ANKS1B: variants seen among roughly 807,000 people sequenced by gnomAD.
ANKS1B encodes the protein ankyrin repeat and sterile alpha motif domain-containing protein 1B.
Under a neutral mutation model 148.3 loss-of-function variants are expected in ANKS1B, and 36 were observed. That is an observed-to-expected ratio of 0.24 (90% CI 0.19 to 0.32). The LOEUF (loss-of-function observed/expected upper bound fraction) is 0.32, where lower values mean the gene tolerates loss of function less well. Among genes scored for constraint, ANKS1B ranks in the 10% least tolerant of loss-of-function variants. The pLI, the probability that ANKS1B is intolerant of heterozygous loss-of-function variation, is 1.00. For synonymous variants in ANKS1B, 542 were observed against 560.8 expected, an observed-to-expected ratio of 0.97 and a Z score of 0.47; for missense variants, 1,157 against 1,542.6, an observed-to-expected ratio of 0.75 and a Z score of 4.19.
chr12:99,031,322 T>C (rs1042981127), intron 17 of ANKS1B, among the ~76,000 whole-genome samples: 7 of 152,240 alleles, frequency 4.6e-5, no homozygotes, highest in African/African-American at 1.4e-4. Context: ...TATTGATAAA[T>C]AGTATTAAAG....
chr12:99,266,535 T>C (rs1201240059), intron 12 of ANKS1B, among the ~76,000 whole-genome samples: 1 of 152,138 alleles, frequency 6.6e-6, no homozygotes, highest in Admixed American at 6.6e-5. Flanking sequence ...ACTCTAGAGG[T>C]TGTGCTCTTA....
At chr12:99,102,634 C>T (rs2058231760) in intron 15 of ANKS1B, among the ~76,000 whole-genome samples, 1 of 152,184 alleles carries the variant, frequency 6.6e-6, no homozygotes, top group South Asian at 2.1e-4. Context: ...GTCCCGGCTA[C>T]TCCGGGGGCT....
At chr12:99,410,542 T>A (rs1039107384) in intron 11 of ANKS1B, among the ~76,000 whole-genome samples, 1 of 151,980 alleles carries the variant, frequency 6.6e-6, no homozygotes, top group Non-Finnish European at 1.5e-5. Flanking sequence ...GGTTGCAGGC[T>A]CCTGTAGTCC....
At chr12:99,205,356 T>C (rs1011069605) in intron 14 of ANKS1B, among the ~76,000 whole-genome samples, 1 of 152,226 alleles carries the variant, frequency 6.6e-6, no homozygotes. Flanking sequence ...ATCATAATGG[T>C]CATTTTATTT....
At chr12:99,209,635 T>C (rs1344340680) in intron 14 of ANKS1B, among the ~76,000 whole-genome samples, 1 of 152,126 alleles carries the variant, frequency 6.6e-6, no homozygotes, top group Non-Finnish European at 1.5e-5. Flanking sequence ...ACCAGAGACA[T>C]TCAAACTATA....
intron 15 of ANKS1B, among the ~76,000 whole-genome samples, chr12:99,087,948 T>C (rs2052524677): frequency 6.6e-6 from 1 of 152,038 alleles, no homozygotes; most frequent in African/African-American, 2.4e-5. Flanking sequence ...AAGAGAGGAG[T>C]CCTTTTGAAG....
chr12:99,632,767 A>ATTTTTTTTTT (rs1555520394), intron 9 of ANKS1B, among the ~76,000 whole-genome samples: 1 of 71,316 alleles, frequency 1.4e-5, no homozygotes, highest in South Asian at 4.5e-4. Context: ...ATATATATAT[A>ATTTTTTTTTT]TTTTAATTAT....
In ANKS1B at chr12:99,479,919, A is replaced by G. The variant is rs372252217; in HGVS notation, c.1438+24557T>C. 1.1e-4 allele frequency among the ~76,000 whole-genome samples: 17 copies of G among 152,050 alleles called. No homozygotes were observed. In the South Asian group the frequency reaches 1.7e-3, roughly 15 times the overall value. On this transcript the variant is annotated intron_variant, in intron 10 of 26. Coordinates refer to ENST00000683438, the MANE Select transcript of ANKS1B (RefSeq NM_001352186.2). ...TTCTCACTACAAATAAATAGTAGGTATGTGAGGTGATGGATATGTTAATTA... is the reference window on the plus strand; with the variant it reads ...TTCTCACTACAAATAAATAGTAGGTGTGTGAGGTGATGGATATGTTAATTA...
chr12:99,465,356 C>G (rs1187767624), intron 10 of ANKS1B, among the ~76,000 whole-genome samples: 3 of 152,160 alleles, frequency 2.0e-5, no homozygotes, highest in Admixed American at 1.3e-4. Context: ...TTGTAAAGAC[C>G]ATCGAGGCTA....
chr12:98,772,976 GC>G, intron 25 of ANKS1B, 65 bp downstream of exon 25: 1 of 1,567,630 alleles, frequency 6.4e-7, no homozygotes, highest in Non-Finnish European at 8.7e-7. Context: ...TATAAGTTGG[GC>G]TTTCAATACA....
In ANKS1B at chr12:99,244,322, G is replaced by A. The variant is rs768492085; in HGVS notation, c.2419+20C>T. 3.2e-6 allele frequency: 5 copies of A among 1,561,716 alleles called. No homozygotes were observed. Reference sequence around the variant, plus strand: ...CTTAAGCACATTTATTCATTATAATGTAGAGGAAGGTTGCCTTACTTGTGG... The same window carrying A: ...CTTAAGCACATTTATTCATTATAATATAGAGGAAGGTTGCCTTACTTGTGG... On this transcript the variant is annotated intron_variant, in intron 14 of 26. Transcript: ENST00000683438.
At chr12:99,850,281 G>GTCTCTCCCTCTC (rs57015094) in intron 1 of ANKS1B, among the ~76,000 whole-genome samples, 19,006 of 113,888 alleles carry the variant, frequency 0.17, 2,337 homozygotes, top group Non-Finnish European at 0.22. Flanking sequence ...AAGCAAGAAA[G>GTCTCTCCCTCTC]TCTCTCTCTC....
chr12:99,825,371 A>G lies in ANKS1B; in HGVS notation c.153T>C (p.Asn51=), dbSNP rs540066475. The G allele has an allele frequency of 1.1e-5, 18 of 1,611,530 alleles. 1 individual carries two copies. In the South Asian group the frequency reaches 1.9e-4, roughly 17 times the overall value. ...AACCCGAACTGTCTGTGCAGTTCACATTGGGGCCTCGCCAGATGCTGCAAA... is the reference window on the plus strand; with the variant it reads ...AACCCGAACTGTCTGTGCAGTTCACGTTGGGGCCTCGCCAGATGCTGCAAA... The part of the protein sequence containing the change: ...SNLLSIWRGP[N]VNCTDSSGYT... The change falls in exon 2 of 27, where the codon AAT becomes AAC. Residue 51 remains asparagine (N), a synonymous_variant. Coordinates refer to ENST00000683438, the MANE Select transcript of ANKS1B (RefSeq NM_001352186.2).
chr12:99,042,071 C>G (rs192958607), intron 17 of ANKS1B, among the ~76,000 whole-genome samples: 1 of 151,716 alleles, frequency 6.6e-6, no homozygotes, highest in African/African-American at 2.4e-5. Context: ...AATAAAACAA[C>G]CCCCCCAAAA....
At chr12:99,393,096 T>TGATAGATAGATA (rs143927175) in intron 12 of ANKS1B, among the ~76,000 whole-genome samples, 14,882 of 150,614 alleles carry the variant, frequency 0.099, 1,337 homozygotes, top group African/African-American at 0.23. Context: ...GATAGACAGA[T>TGATAGATAGATA]GATAGATAGA....
At chr12:99,263,474 G>T (rs2076134195) in intron 12 of ANKS1B, among the ~76,000 whole-genome samples, 1 of 151,952 alleles carries the variant, frequency 6.6e-6, no homozygotes. Context: ...AATCCTTTAT[G>T]CTACTATTTC....
intron 8 of ANKS1B, among the ~76,000 whole-genome samples, chr12:99,673,924 C>G (rs1447794814): frequency 6.6e-6 from 1 of 151,482 alleles, no homozygotes; most frequent in African/African-American, 2.4e-5. Flanking sequence ...AGTATGGCAA[C>G]TAGTTACAAG....
chr12:99,820,209 T>C (rs919876978), intron 2 of ANKS1B, among the ~76,000 whole-genome samples: 45 of 152,068 alleles, frequency 3.0e-4, no homozygotes, highest in African/African-American at 8.9e-4. Context: ...ACATTTTCCA[T>C]TGTGTCCTGA....
intron 8 of ANKS1B, among the ~76,000 whole-genome samples, chr12:99,741,664 A>G (rs1348781147): frequency 6.6e-6 from 1 of 152,132 alleles, no homozygotes. Flanking sequence ...CAAACACCGC[A>G]TGTTCTCACT....
Sources: gnomAD v4.1 joint callset for allele counts (sites outside exome capture counted in the v4.1 genomes callset) on GRCh38, gnomAD v4.1.1 for gene constraint, MANE v1.5 for transcripts, NCBI Gene and HGNC (gene_info 2026-07-23, HGNC 2026-07-21) for gene names.